The following PALM2AKAP2 variants were observed in gnomAD, a reference collection of about 807,000 sequenced individuals.
PALM2AKAP2 encodes PALM2-AKAP2 fusion protein.
In PALM2AKAP2, 37 loss-of-function variants were observed where a neutral mutation model predicts 71.5. The ratio of observed to expected loss-of-function variants is 0.52; its 90% CI spans 0.40 to 0.68. PALM2AKAP2 has a LOEUF of 0.68. Among genes scored for constraint, PALM2AKAP2 ranks in the 30% least tolerant of loss-of-function variants. The pLI is 0.00. For synonymous variants in PALM2AKAP2, 468 were observed against 478.8 expected, an observed-to-expected ratio of 0.98 and a Z score of 0.29; for missense variants, 1,224 against 1,191.8, an observed-to-expected ratio of 1.03 and a Z score of -0.40.
chr9:109,821,295 A>C, intron 1 of PALM2AKAP2, among the ~76,000 whole-genome samples: 1 of 152,236 alleles, frequency 6.6e-6, no homozygotes, highest in East Asian at 1.9e-4. Context: ...ACAAACCTGC[A>C]CATTGTACAC....
At chr9:109,917,270 C>T (rs1255403595) in intron 3 of PALM2AKAP2, among the ~76,000 whole-genome samples, 3 of 152,184 alleles carry the variant, frequency 2.0e-5, no homozygotes, top group South Asian at 2.1e-4. Flanking sequence ...GGGAACACAA[C>T]GCTGCCAGCA....
At chr9:109,880,563 C>T (rs761961820) in exon 3 of PALM2AKAP2, 44 of 1,612,752 alleles carry the variant, frequency 2.7e-5, no homozygotes, top group Non-Finnish European at 3.6e-5. Flanking sequence ...CAAAGTGCTT[C>T]GGGAGAAATG....
chr9:110,068,683 C>T (rs1834140016), intron 1 of PALM2AKAP2, among the ~76,000 whole-genome samples: 2 of 152,056 alleles, frequency 1.3e-5, no homozygotes, highest in Non-Finnish European at 2.9e-5. Context: ...AGGTGTGCGC[C>T]ACCATGCCTG....
At chr9:109,722,411 G>A (rs1828418832) in intron 1 of PALM2AKAP2, among the ~76,000 whole-genome samples, 1 of 152,126 alleles carries the variant, frequency 6.6e-6, no homozygotes, top group African/African-American at 2.4e-5. Context: ...AGTGGGAGGG[G>A]AACTTTTCAC....
intron 1 of PALM2AKAP2, among the ~76,000 whole-genome samples, chr9:109,726,145 A>G (rs1828472950): frequency 6.6e-6 from 1 of 152,196 alleles, no homozygotes; most frequent in South Asian, 2.1e-4. Flanking sequence ...GCCTCCCTCT[A>G]TAGAAGCCAG....
chr9:110,059,143 G>A (rs1371956274), intron 1 of PALM2AKAP2, among the ~76,000 whole-genome samples: 17 of 152,112 alleles, frequency 1.1e-4, no homozygotes, highest in African/African-American at 3.1e-4. Context: ...CAAGTGATCC[G>A]TCTGCCTCGG....
chr9:109,785,478 C>T (rs914125437), intron 1 of PALM2AKAP2, among the ~76,000 whole-genome samples: 1 of 152,106 alleles, frequency 6.6e-6, no homozygotes, highest in Non-Finnish European at 1.5e-5. Flanking sequence ...CCGTTTTCAC[C>T]GTGCTGATAA....
intron 1 of PALM2AKAP2, among the ~76,000 whole-genome samples, chr9:109,743,933 G>A (rs1448732473): frequency 1.3e-5 from 2 of 152,190 alleles, no homozygotes; most frequent in Admixed American, 6.5e-5. Flanking sequence ...TATTGAGTAT[G>A]TGGATGTTCT....
chr9:109,725,612 A>G (rs2118644945), intron 1 of PALM2AKAP2, among the ~76,000 whole-genome samples: 1 of 152,352 alleles, frequency 6.6e-6, no homozygotes, highest in South Asian at 2.1e-4. Flanking sequence ...GAGATTGGTT[A>G]AAGTATGATA....
intron 1 of PALM2AKAP2, among the ~76,000 whole-genome samples, chr9:109,706,998 G>A (rs534708216): frequency 6.6e-6 from 1 of 152,278 alleles, no homozygotes; most frequent in South Asian, 2.1e-4. Flanking sequence ...ATTTTAATAT[G>A]CTAAAAACCA....
At chr9:110,015,633 T>C (rs754998792) in intron 6 of PALM2AKAP2, among the ~76,000 whole-genome samples, 1 of 151,590 alleles carries the variant, frequency 6.6e-6, no homozygotes, top group Non-Finnish European at 1.5e-5. Flanking sequence ...AACAAACAAA[T>C]AAATAAAAAT....
At chr9:109,918,226 G>C (rs1830740020) in intron 3 of PALM2AKAP2, among the ~76,000 whole-genome samples, 1 of 152,218 alleles carries the variant, frequency 6.6e-6, no homozygotes, top group Non-Finnish European at 1.5e-5. Flanking sequence ...CATGAAGTTA[G>C]ATGGATGAAT....
intron 1 of PALM2AKAP2, among the ~76,000 whole-genome samples, chr9:109,715,633 C>T (rs1463860668): frequency 3.3e-5 from 5 of 152,158 alleles, no homozygotes; most frequent in Non-Finnish European, 5.9e-5. Context: ...AATGCTCATT[C>T]CTCTGCCCAT....
chr9:109,935,332 G>A (rs2132013628), intron 6 of PALM2AKAP2, among the ~76,000 whole-genome samples: 1 of 152,218 alleles, frequency 6.6e-6, no homozygotes, highest in South Asian at 2.1e-4. Flanking sequence ...TGGAACCAAA[G>A]TCAGAGCCCT....
chr9:110,049,817 G>T (rs1392631554), intron 1 of PALM2AKAP2, among the ~76,000 whole-genome samples: 1 of 152,214 alleles, frequency 6.6e-6, no homozygotes, highest in Non-Finnish European at 1.5e-5. Context: ...GAGCTGTGGC[G>T]CTGGTGGCCG....
Position 109,675,204 on chromosome 9 carries a change from G to A in PALM2AKAP2, c.5+34338G>A, listed in dbSNP as rs140320834. Among the ~76,000 whole-genome samples, 1,388 of 152,192 alleles carry A rather than the reference G, an allele frequency of 9.1e-3. 60 individuals are homozygous for A. The highest frequency in any genetic ancestry group is 0.079 in the Admixed American group (1,209 of 15,272). ...GGAACTCTGATGTAAGTAAAGGAGC[G>A]TCTGTATTTTCTGACCCAAATAGAA... On this transcript the variant is annotated intron_variant, in intron 1 of 6. Transcript: ENST00000374531.
intron 6 of PALM2AKAP2, among the ~76,000 whole-genome samples, chr9:109,963,097 C>A (rs932757005): frequency 5.9e-5 from 9 of 152,120 alleles, no homozygotes; most frequent in Non-Finnish European, 2.9e-5. Flanking sequence ...GTTCGGTTTG[C>A]ACTTGTTCTT....
chr9:109,802,298 G>C (rs189563890), intron 1 of PALM2AKAP2, among the ~76,000 whole-genome samples: 2 of 152,146 alleles, frequency 1.3e-5, no homozygotes, highest in African/African-American at 4.8e-5. Flanking sequence ...TAGTCACATA[G>C]GTTCCCCACT....
In PALM2AKAP2 at chr9:109,673,172, T is replaced by G. The variant is rs529819794; in HGVS notation, c.5+32306T>G. Among the ~76,000 whole-genome samples the G allele has an allele frequency of 1.5e-4, 23 of 152,260 alleles. 1 individual carries two copies. Among genetic ancestry groups the G allele is most frequent in the Admixed American group, 1.0e-3 (16 of 15,280 alleles). On this transcript the variant is annotated intron_variant, in intron 1 of 6. Coordinates refer to the PALM2AKAP2 transcript ENST00000374531. Reference sequence around the variant, plus strand: ...AGATTTGGGATTCGTTTGCTCTTACTTCTCTAGTTCTTTTAGTTGTGATAT... The same window carrying G: ...AGATTTGGGATTCGTTTGCTCTTACGTCTCTAGTTCTTTTAGTTGTGATAT...
Sources: allele counts gnomAD v4.1 joint callset (sites outside exome capture counted in the v4.1 genomes callset), GRCh38; gene constraint gnomAD v4.1.1; transcripts MANE v1.5; gene names NCBI Gene and HGNC (gene_info 2026-07-23, HGNC 2026-07-21).